ERBB4: variants seen among roughly 807,000 people sequenced by gnomAD.
ERBB4 encodes the protein erb-b2 receptor tyrosine kinase 4.
A neutral mutation model predicts 158.0 loss-of-function variants in ERBB4; 42 were observed. The ratio of observed to expected loss-of-function variants is 0.27; its 90% CI spans 0.21 to 0.34. The LOEUF is 0.34. ERBB4 is among the 10% of genes least tolerant of loss of function. The pLI, the probability that ERBB4 is intolerant of heterozygous loss-of-function variation, is 1.00. For missense variants in ERBB4, 1,333 were observed against 1,624.1 expected, an observed-to-expected ratio of 0.82 and a Z score of 3.08; for synonymous variants, 583 against 558.7, an observed-to-expected ratio of 1.04 and a Z score of -0.61.
At chr2:212,396,482 A>G (rs1427164041) in intron 1 of ERBB4, among the ~76,000 whole-genome samples, 3 of 152,182 alleles carry the variant, frequency 2.0e-5, no homozygotes, top group Non-Finnish European at 4.4e-5. Flanking sequence ...AAAGGGGGAT[A>G]ATCAAGATAC....
intron 1 of ERBB4, among the ~76,000 whole-genome samples, chr2:212,133,312 T>C (rs1028166670): frequency 1.3e-5 from 2 of 152,024 alleles, no homozygotes; most frequent in Non-Finnish European, 2.9e-5. Flanking sequence ...ATGTCACCTT[T>C]TCAAAACAGC....
chr2:211,837,300 T>C (rs2077363015), intron 3 of ERBB4, among the ~76,000 whole-genome samples: 1 of 152,002 alleles, frequency 6.6e-6, no homozygotes, highest in African/African-American at 2.4e-5. Flanking sequence ...AGACATCAAT[T>C]CTAGAGGGAA....
intron 1 of ERBB4, among the ~76,000 whole-genome samples, chr2:212,390,363 A>G (rs2090819018): frequency 6.6e-6 from 1 of 151,750 alleles, no homozygotes; most frequent in Admixed American, 6.6e-5. Flanking sequence ...GTTTTATTTA[A>G]TTTTGTTTTT....
intron 2 of ERBB4, among the ~76,000 whole-genome samples, chr2:212,054,375 G>A (rs1201453989): frequency 6.6e-6 from 1 of 152,018 alleles, no homozygotes; most frequent in Non-Finnish European, 1.5e-5. Context: ...AAGAGGTCTG[G>A]GACCATTTTA....
intron 1 of ERBB4, among the ~76,000 whole-genome samples, chr2:212,431,815 C>T (rs1393826531): frequency 1.3e-5 from 2 of 152,138 alleles, no homozygotes; most frequent in Non-Finnish European, 2.9e-5. Context: ...CTTCACTTCC[C>T]TCAGATCTTT....
chr2:211,390,635 C>T (rs777997926), intron 25 of ERBB4, among the ~76,000 whole-genome samples: 17 of 152,248 alleles, frequency 1.1e-4, no homozygotes, highest in Middle Eastern at 3.4e-3. Context: ...GTAAAGGCAA[C>T]GGATTAAAAC....
At position 212,093,430 on chromosome 2, in the gene ERBB4, A is replaced by G. The variant is rs540844240; in HGVS notation, c.234+31322T>C. On this transcript the variant is annotated intron_variant, in intron 2 of 27. Transcript: ENST00000342788. ...CAAGAAACAGAACTCAGAAGATGCAAGATGAACCTCGAACCTAACTAAACT... is the reference window on the plus strand; with the variant it reads ...CAAGAAACAGAACTCAGAAGATGCAGGATGAACCTCGAACCTAACTAAACT... Among the ~76,000 whole-genome samples the G allele has an allele frequency of 2.0e-5, 3 of 152,334 alleles. No individual in the cohort carries two copies. The South Asian group carries it at 6.2e-4, about 32-fold the overall frequency.
intron 19 of ERBB4, among the ~76,000 whole-genome samples, chr2:211,616,938 CT>C (rs1347713424): frequency 6.6e-6 from 1 of 151,988 alleles, no homozygotes; most frequent in East Asian, 1.9e-4. Context: ...AAAATGACTC[CT>C]TTCATGGCTC....
At chr2:212,439,098 A>G (rs2092198178) in intron 1 of ERBB4, among the ~76,000 whole-genome samples, 1 of 152,160 alleles carries the variant, frequency 6.6e-6, no homozygotes, top group Non-Finnish European at 1.5e-5. Context: ...CTTTGAAAGG[A>G]ACACACTTTC....
At chr2:211,906,941 G>T (rs763676914) in intron 3 of ERBB4, among the ~76,000 whole-genome samples, 16 of 151,620 alleles carry the variant, frequency 1.1e-4, no homozygotes, top group Non-Finnish European at 1.6e-4. Flanking sequence ...CTTAGTTATG[G>T]TCATTGGTAT....
At chr2:211,984,857 G>C (rs764800285) in intron 2 of ERBB4, among the ~76,000 whole-genome samples, 26 of 152,026 alleles carry the variant, frequency 1.7e-4, no homozygotes, top group Non-Finnish European at 2.9e-4. Context: ...CAAGTAGCTG[G>C]AATTACAGGT....
intron 2 of ERBB4, among the ~76,000 whole-genome samples, chr2:212,005,578 GGA>G (rs1575504459): frequency 6.6e-6 from 1 of 152,252 alleles, no homozygotes; most frequent in East Asian, 1.9e-4. Context: ...TGGAATTTTG[GGA>G]GAGTGTTCCA....
At chr2:212,131,261 C>T (rs777335861) in intron 1 of ERBB4, among the ~76,000 whole-genome samples, 7 of 151,632 alleles carry the variant, frequency 4.6e-5, no homozygotes, top group Admixed American at 6.6e-5. Flanking sequence ...TCCAGGATTT[C>T]CTATTTGCCC....
intron 12 of ERBB4, among the ~76,000 whole-genome samples, chr2:211,681,102 T>C (rs1370078670): frequency 1.3e-5 from 2 of 152,204 alleles, no homozygotes; most frequent in Non-Finnish European, 2.9e-5. Flanking sequence ...TAAATGAAAT[T>C]ATACAGTATA....
intron 2 of ERBB4, among the ~76,000 whole-genome samples, chr2:211,965,379 T>G (rs1174210555): frequency 6.6e-6 from 1 of 152,176 alleles, no homozygotes. Flanking sequence ...ATCAATATAA[T>G]CTATATTCAT....
intron 1 of ERBB4, among the ~76,000 whole-genome samples, chr2:212,354,399 T>C (rs2089385693): frequency 6.6e-6 from 1 of 152,052 alleles, no homozygotes; most frequent in African/African-American, 2.4e-5. Flanking sequence ...GGGTGCCACA[T>C]GAGAGAAGGG....
chr2:211,701,041 G>A (rs1383825108), intron 12 of ERBB4, among the ~76,000 whole-genome samples: 1 of 152,162 alleles, frequency 6.6e-6, no homozygotes, highest in Non-Finnish European at 1.5e-5. Context: ...CAGTGTATTC[G>A]ATAGGAATGG....
At chr2:211,484,110 G>C (rs1418123957) in intron 20 of ERBB4, among the ~76,000 whole-genome samples, 2 of 152,038 alleles carry the variant, frequency 1.3e-5, no homozygotes, top group African/African-American at 4.8e-5. Context: ...AAGATAGACT[G>C]ATAAATTAAA....
intron 1 of ERBB4, among the ~76,000 whole-genome samples, chr2:212,231,380 AG>A (rs963740790): frequency 2.4e-4 from 37 of 152,212 alleles, no homozygotes; most frequent in Admixed American, 2.0e-3. Flanking sequence ...CTTAAACCTA[AG>A]GAGACCTGGA....
Sources: gnomAD v4.1 joint callset for allele counts (sites outside exome capture counted in the v4.1 genomes callset) on GRCh38, gnomAD v4.1.1 for gene constraint, MANE v1.5 for transcripts, NCBI Gene and HGNC (gene_info 2026-07-23, HGNC 2026-07-21) for gene names.